Variants in SLC1A1 observed in about 807,000 individuals in gnomAD.
SLC1A1 encodes solute carrier family 1 member 1.
SLC1A1 carries 43 observed loss-of-function variants against 53.3 expected under a neutral mutation model. The ratio of observed to expected loss-of-function variants is 0.81; its 90% CI spans 0.63 to 1.04. The LOEUF (loss-of-function observed/expected upper bound fraction) is 1.04, where lower values mean the gene tolerates loss of function less well. Among genes scored for constraint, SLC1A1 ranks in the 50% least tolerant of loss-of-function variants. SLC1A1 has a pLI of 0.00. For synonymous variants in SLC1A1, 307 were observed against 243.2 expected (o/e 1.26, Z -2.44); for missense variants, 748 against 664.9 (o/e 1.12, Z -1.37).
intron 1 of SLC1A1, among the ~76,000 whole-genome samples, chr9:4,520,744 G>A (rs1172870264): frequency 5.3e-5 from 8 of 152,162 alleles, no homozygotes. Context: ...CAGTTTTTGT[G>A]TAAGGACATG....
At chr9:4,576,363 A>G (rs1820547136) in intron 9 of SLC1A1, among the ~76,000 whole-genome samples, 1 of 152,240 alleles carries the variant, frequency 6.6e-6, no homozygotes, top group Admixed American at 6.5e-5. Context: ...TGGTGGGCAC[A>G]GCACCTTCTG....
At chr9:4,525,182 A>G (rs1412071848) in intron 1 of SLC1A1, among the ~76,000 whole-genome samples, 2 of 152,190 alleles carry the variant, frequency 1.3e-5, no homozygotes, top group African/African-American at 4.8e-5. Context: ...CCTTGGAAAC[A>G]AGAGCAGAGA....
intron 10 of SLC1A1, among the ~76,000 whole-genome samples, 160 bp from the exon 11 acceptor site, chr9:4,582,878 G>A (rs1821230581): frequency 6.6e-6 from 1 of 152,164 alleles, no homozygotes; most frequent in South Asian, 2.1e-4. Flanking sequence ...ATCCTGTAAT[G>A]AGGCAGAGCT....
At chr9:4,527,348 G>A (rs1816299406) in intron 1 of SLC1A1, among the ~76,000 whole-genome samples, 1 of 152,192 alleles carries the variant, frequency 6.6e-6, no homozygotes, top group Non-Finnish European at 1.5e-5. Flanking sequence ...TATTACCCGT[G>A]TGTTGTTTTA....
intron 7 of SLC1A1, 85 bp downstream of exon 7, chr9:4,572,473 C>A: frequency 8.2e-7 from 1 of 1,224,088 alleles, no homozygotes; most frequent in Non-Finnish European, 1.2e-6. Context: ...TTATGTTTGT[C>A]AACTGATGAA....
chr9:4,542,569 T>C lies in SLC1A1; in HGVS notation c.92-1998T>C, dbSNP rs1412447839. Among the ~76,000 whole-genome samples, 8 of 152,310 alleles carry C rather than the reference T, an allele frequency of 5.3e-5. No individual in the cohort carries two copies. The East Asian group carries it at 1.2e-3, about 22-fold the overall frequency. Reference sequence around the variant, plus strand: ...TGAGTACAGACACATCTTTATTTTTTACATACTGAGCTTTCTTTGACATAC... The same window carrying C: ...TGAGTACAGACACATCTTTATTTTTCACATACTGAGCTTTCTTTGACATAC... On this transcript the variant is annotated intron_variant, in intron 1 of 11. Coordinates refer to ENST00000262352, the MANE Select transcript of SLC1A1 (RefSeq NM_004170.6).
At chr9:4,499,744 T>C (rs1297848164) in intron 1 of SLC1A1, among the ~76,000 whole-genome samples, 3 of 152,234 alleles carry the variant, frequency 2.0e-5, no homozygotes, top group Non-Finnish European at 4.4e-5. Flanking sequence ...GAATATCTTG[T>C]TAGATGTTGC....
At chr9:4,519,460 CT>C (rs1815988455) in intron 1 of SLC1A1, among the ~76,000 whole-genome samples, 1 of 152,188 alleles carries the variant, frequency 6.6e-6, no homozygotes, top group Non-Finnish European at 1.5e-5. Flanking sequence ...AATCCAGATT[CT>C]TAGCTCCTCT....
chr9:4,503,510 A>G (rs1163700763), intron 1 of SLC1A1, among the ~76,000 whole-genome samples: 1 of 151,772 alleles, frequency 6.6e-6, no homozygotes, highest in Non-Finnish European at 1.5e-5. Flanking sequence ...TGGGCCTTCA[A>G]AGAAGGTGCA....
At chr9:4,511,768 A>G (rs190208147) in intron 1 of SLC1A1, among the ~76,000 whole-genome samples, 4 of 152,354 alleles carry the variant, frequency 2.6e-5, no homozygotes, top group African/African-American at 9.6e-5. Context: ...TTTTGAAAAG[A>G]AAGAAACAAA....
chr9:4,572,837 C>G (rs1347722451), intron 7 of SLC1A1, among the ~76,000 whole-genome samples: 1 of 152,168 alleles, frequency 6.6e-6, no homozygotes, highest in African/African-American at 2.4e-5. Context: ...GCATTAGCCA[C>G]CACACCCAGC....
At chr9:4,557,034 A>C (rs1293179964) in intron 2 of SLC1A1, among the ~76,000 whole-genome samples, 5 of 152,114 alleles carry the variant, frequency 3.3e-5, no homozygotes, top group Non-Finnish European at 5.9e-5. Context: ...AACCAAACTA[A>C]ACCACCATGT....
chr9:4,509,634 C>A (rs1217835493), intron 1 of SLC1A1, among the ~76,000 whole-genome samples: 1 of 152,034 alleles, frequency 6.6e-6, no homozygotes, highest in East Asian at 1.9e-4. Flanking sequence ...TTGCTAAACC[C>A]AGCCAAAACC....
intron 1 of SLC1A1, among the ~76,000 whole-genome samples, chr9:4,504,882 C>G (rs1237961932): frequency 4.6e-5 from 7 of 152,044 alleles, no homozygotes; most frequent in African/African-American, 1.4e-4. Flanking sequence ...AGAAACTTGT[C>G]TGTTTCAGTG....
At chr9:4,538,328 T>C (rs976267019) in intron 1 of SLC1A1, among the ~76,000 whole-genome samples, 5 of 152,190 alleles carry the variant, frequency 3.3e-5, no homozygotes, top group Non-Finnish European at 7.3e-5. Flanking sequence ...AGGTGACAGT[T>C]AGGTAAGAGA....
chr9:4,558,506 G>A (rs1243362186), intron 2 of SLC1A1, among the ~76,000 whole-genome samples: 3 of 152,134 alleles, frequency 2.0e-5, no homozygotes, highest in Admixed American at 6.5e-5. Context: ...CAGGACAGAG[G>A]GGAAATTGGA....
intron 1 of SLC1A1, among the ~76,000 whole-genome samples, chr9:4,520,166 G>T (rs935771911): frequency 1.3e-5 from 2 of 152,018 alleles, no homozygotes; most frequent in African/African-American, 2.4e-5. Context: ...GCTTCATTTG[G>T]GTTTTCAAAT....
At chr9:4,572,828 C>T (rs953776611) in intron 7 of SLC1A1, among the ~76,000 whole-genome samples, 1 of 152,150 alleles carries the variant, frequency 6.6e-6, no homozygotes. Context: ...GAATTACAGG[C>T]ATTAGCCACC....
chr9:4,522,314 G>C (rs1193606161), intron 1 of SLC1A1, among the ~76,000 whole-genome samples: 1 of 152,030 alleles, frequency 6.6e-6, no homozygotes, highest in East Asian at 1.9e-4. Flanking sequence ...GCCTCCCAAA[G>C]TGCTGGGATT....
Sources: gnomAD v4.1 joint callset for allele counts (sites outside exome capture counted in the v4.1 genomes callset) on GRCh38, gnomAD v4.1.1 for gene constraint, MANE v1.5 for transcripts, NCBI Gene and HGNC (gene_info 2026-07-23, HGNC 2026-07-21) for gene names.